Variants in NEDD9 observed in about 807,000 individuals in gnomAD.
NEDD9 encodes the protein neural precursor cell expressed, developmentally down-regulated 9.
Under a neutral mutation model 76.6 loss-of-function variants are expected in NEDD9, and 26 were observed. That is an observed-to-expected ratio of 0.34 (90% confidence interval 0.25 to 0.47). The LOEUF (loss-of-function observed/expected upper bound fraction) is 0.47. Ranked by LOEUF, NEDD9 falls within the 20% of genes least tolerant of loss-of-function variation. NEDD9 has a pLI of 1.00. For synonymous variants in NEDD9, 392 were observed against 414.2 expected (o/e 0.95, Z 0.65); for missense variants, 937 against 1,058.5 (o/e 0.89, Z 1.59).
chr6:11,191,549 T>C (rs4053067), intron 4 of NEDD9, among the ~76,000 whole-genome samples: 134,378 of 152,142 alleles, frequency 0.88, 59,373 homozygotes, highest in East Asian at 1. Flanking sequence ...CCGGTCTTTT[T>C]GGTTATCACA....
At chr6:11,246,194 A>G (rs961795016) in intron 3 of NEDD9, among the ~76,000 whole-genome samples, 1 of 152,226 alleles carries the variant, frequency 6.6e-6, no homozygotes, top group African/African-American at 2.4e-5. Context: ...CTTACAGAAC[A>G]TTCCAGCAAA....
chr6:11,197,321 A>G (rs959589283), intron 2 of NEDD9, among the ~76,000 whole-genome samples: 9 of 151,752 alleles, frequency 5.9e-5, no homozygotes. Context: ...AGCCTTTGGA[A>G]TTACCAAACT....
In NEDD9 at chr6:11,200,928, A is replaced by G; in HGVS notation, c.460-7236T>C. 7 of 1,614,026 alleles carry G rather than the reference A, an allele frequency of 4.3e-6. No individual in the cohort carries two copies. The Admixed American group carries it at 6.7e-5, about 15-fold the overall frequency. ...CAAGAGAAAGACGGCAAGCCTCCAAACTCAGGACACTTTATTAAAATGCTC... is the reference window on the plus strand; with the variant it reads ...CAAGAGAAAGACGGCAAGCCTCCAAGCTCAGGACACTTTATTAAAATGCTC... On this transcript the variant is annotated intron_variant, in intron 2 of 6. Transcript: ENST00000379446.
chr6:11,200,771 G>C, intron 2 of NEDD9: 1 of 1,416,676 alleles, frequency 7.1e-7, no homozygotes, highest in Admixed American at 2.9e-5. Context: ...GAGTTCTTGG[G>C]GTTACTGTTT....
At chr6:11,263,448 G>A (rs72827177) in intron 3 of NEDD9, among the ~76,000 whole-genome samples, 1 of 152,296 alleles carries the variant, frequency 6.6e-6, no homozygotes, top group Non-Finnish European at 1.5e-5. Flanking sequence ...CATTGGATTA[G>A]AAAGTAGTGG....
intron 3 of NEDD9, among the ~76,000 whole-genome samples, chr6:11,253,284 A>C (rs1759944811): frequency 6.6e-6 from 1 of 152,350 alleles, no homozygotes; most frequent in African/African-American, 2.4e-5. Context: ...AGATATAATG[A>C]AATCAGACAA....
intron 3 of NEDD9, among the ~76,000 whole-genome samples, chr6:11,263,073 T>C (rs1230339317): frequency 6.6e-6 from 1 of 152,254 alleles, no homozygotes; most frequent in Non-Finnish European, 1.5e-5. Context: ...TTTCATGACA[T>C]GCATAGTAAT....
intron 3 of NEDD9, among the ~76,000 whole-genome samples, chr6:11,274,605 C>T (rs1760380020): frequency 6.6e-6 from 1 of 152,226 alleles, no homozygotes; most frequent in Non-Finnish European, 1.5e-5. Context: ...ACTGTACTCT[C>T]TGCTGTACTC....
chr6:11,306,008 C>T (rs1761175842), exon 3 of NEDD9: 2 of 1,613,866 alleles, frequency 1.2e-6, no homozygotes, highest in East Asian at 4.5e-5. Context: ...CCACATTTTG[C>T]CCCAAGGAAT....
intron 1 of NEDD9, among the ~76,000 whole-genome samples, chr6:11,226,444 C>T (rs1313074466): frequency 1.3e-5 from 2 of 152,174 alleles, no homozygotes; most frequent in African/African-American, 4.8e-5. Context: ...CAGAGTATTG[C>T]CTTGGTCCTA....
intron 1 of NEDD9, among the ~76,000 whole-genome samples, chr6:11,217,773 C>T (rs942572077): frequency 6.6e-6 from 1 of 152,214 alleles, no homozygotes; most frequent in African/African-American, 2.4e-5. Flanking sequence ...ACAGGTGCAA[C>T]ACAAGCTGTG....
rs1759700480 is a variant in NEDD9 at position 11,241,103 on chromosome 6, G to A, written c.13-27376C>T. On this transcript the variant is annotated intron_variant, in intron 3 of 3. Coordinates refer to the NEDD9 transcript ENST00000397378. This position sits in a 1 kb window ranked among gnomAD's most constrained non-coding sequence, Gnocchi z 4.0. ...CTTCACACTGTGGATTTTTACAAAGGTTGAAGTGATCTGCCAACATCAAAT... is the reference window on the plus strand; with the variant it reads ...CTTCACACTGTGGATTTTTACAAAGATTGAAGTGATCTGCCAACATCAAAT... Among the ~76,000 whole-genome samples the A allele has an allele frequency of 6.6e-6, 1 of 152,190 alleles. No individual in the cohort carries two copies. Among genetic ancestry groups the A allele is most frequent in the African/African-American group, 2.4e-5 (1 of 41,440 alleles).
intron 2 of NEDD9, among the ~76,000 whole-genome samples, chr6:11,310,586 G>C (rs1449037797): frequency 6.6e-6 from 1 of 151,876 alleles, no homozygotes; most frequent in Non-Finnish European, 1.5e-5. Flanking sequence ...TAGTTCCCTG[G>C]CCAGCTCACC....
At chr6:11,192,507 G>A in intron 3 of NEDD9, 61 bp from the exon 4 acceptor site, 2 of 1,189,566 alleles carry the variant, frequency 1.7e-6, no homozygotes, top group Middle Eastern at 1.9e-4. Flanking sequence ...CATTTTTTAT[G>A]CTCCTAAGCA....
At chr6:11,301,144 T>C (rs1001439505) in intron 3 of NEDD9, among the ~76,000 whole-genome samples, 4 of 152,136 alleles carry the variant, frequency 2.6e-5, no homozygotes, top group Non-Finnish European at 4.4e-5. Flanking sequence ...AAGACGCACA[T>C]AGGCTCAAAA....
chr6:11,342,161 T>G (rs1312824024), intron 1 of NEDD9, among the ~76,000 whole-genome samples: 1 of 150,662 alleles, frequency 6.6e-6, no homozygotes, highest in Non-Finnish European at 1.5e-5. Flanking sequence ...ATAAAAAATA[T>G]TAAGGAAAAA....
At chr6:11,293,205 T>TTTTG (rs886990435) in intron 3 of NEDD9, among the ~76,000 whole-genome samples, 7 of 151,758 alleles carry the variant, frequency 4.6e-5, no homozygotes, top group African/African-American at 9.7e-5. Flanking sequence ...TGTTTTTTTT[T>TTTTG]TTGTTTAAAT....
At chr6:11,381,473 T>G (rs952628817) in intron 1 of NEDD9, among the ~76,000 whole-genome samples, 28 of 152,330 alleles carry the variant, frequency 1.8e-4, no homozygotes, top group African/African-American at 6.7e-4. Flanking sequence ...AAGTCCTTGG[T>G]GGAAGAAAGG....
Position 11,190,887 on chromosome 6 carries a change from G to A in NEDD9, c.982C>T (p.Pro328Ser). The change falls in exon 5 of 7, where the codon CCA (proline) becomes TCA (serine). Residue 328 changes from proline to serine, a missense_variant. By Grantham distance (74) the Pro-to-Ser change is moderately conservative. Transcript: ENST00000379446. The surrounding 1 kb of genome is among the most constrained non-coding windows in gnomAD (Gnocchi z 5.8). ...DVPRGVQFLE[P>S]PAETSEKANP... is the part of the protein sequence containing the mutation. ...GCTTTCTCACTGGTTTCTGCTGGTGGCTCAAGAAACTGAACGCCTCGGGGG... is the reference window on the plus strand; with the variant it reads ...GCTTTCTCACTGGTTTCTGCTGGTGACTCAAGAAACTGAACGCCTCGGGGG... 1 of 1,614,060 alleles carries A rather than the reference G, an allele frequency of 6.2e-7. No individual in the cohort carries two copies. The highest frequency in any genetic ancestry group is 8.5e-7 in the Non-Finnish European group (1 of 1,180,032).
Sources: gnomAD v4.1 joint callset for allele counts (sites outside exome capture counted in the v4.1 genomes callset) on GRCh38, gnomAD v4.1.1 for gene constraint, Gnocchi (gnomAD v3.1) non-coding constraint, MANE v1.5 for transcripts, NCBI Gene and HGNC (gene_info 2026-07-23, HGNC 2026-07-21) for gene names.